Variants in NKAIN2 observed in about 807,000 individuals in gnomAD.
NKAIN2 encodes the protein sodium/potassium-transporting ATPase subunit beta-1-interacting protein 2.
A neutral mutation model predicts 32.6 loss-of-function variants in NKAIN2; 14 were observed. The observed-to-expected ratio is 0.43, with a 90% CI of 0.28 to 0.67. NKAIN2 has a LOEUF of 0.67. Among genes scored for constraint, NKAIN2 ranks in the 30% least tolerant of loss-of-function variants. NKAIN2 has a pLI of 0.17. For missense variants in NKAIN2, 198 were observed against 258.3 expected, an observed-to-expected ratio of 0.77 and a Z score of 1.60; for synonymous variants, 80 against 87.2, an observed-to-expected ratio of 0.92 and a Z score of 0.46.
chr6:123,906,537 C>T (rs1774882280), intron 1 of NKAIN2, among the ~76,000 whole-genome samples: 1 of 152,206 alleles, frequency 6.6e-6, no homozygotes, highest in African/African-American at 2.4e-5. Flanking sequence ...AAGCAATCTG[C>T]TTGCCTCAGC....
intron 3 of NKAIN2, among the ~76,000 whole-genome samples, chr6:124,359,090 C>G (rs1028846122): frequency 4.7e-4 from 72 of 152,150 alleles, no homozygotes; most frequent in African/African-American, 1.7e-3. Context: ...TGTAGATATG[C>G]AGCATTATTT....
At chr6:124,033,064 G>A (rs1438455389) in intron 1 of NKAIN2, among the ~76,000 whole-genome samples, 4 of 152,182 alleles carry the variant, frequency 2.6e-5, no homozygotes, top group South Asian at 4.1e-4. Flanking sequence ...AAAATGCTGA[G>A]CCAGAGGAAA....
intron 1 of NKAIN2, among the ~76,000 whole-genome samples, chr6:123,873,541 T>G (rs1019017388): frequency 6.6e-5 from 10 of 152,108 alleles, no homozygotes; most frequent in African/African-American, 2.4e-4. Context: ...TTCTCTGAAG[T>G]GTGTATGCAA....
At chr6:123,820,818 G>A (rs923466674) in intron 1 of NKAIN2, among the ~76,000 whole-genome samples, 2 of 152,182 alleles carry the variant, frequency 1.3e-5, no homozygotes, top group African/African-American at 2.4e-5. Flanking sequence ...TTTGTTTAAA[G>A]CCTATAGGAA....
intron 1 of NKAIN2, among the ~76,000 whole-genome samples, chr6:123,965,028 G>A (rs750887027): frequency 6.6e-6 from 1 of 151,898 alleles, no homozygotes; most frequent in African/African-American, 2.4e-5. Flanking sequence ...TTCTGCCATC[G>A]ATCTTCCTTT....
chr6:124,226,602 T>G (rs926615983), intron 1 of NKAIN2, among the ~76,000 whole-genome samples: 51 of 152,036 alleles, frequency 3.4e-4, no homozygotes, highest in African/African-American at 1.2e-3. Context: ...TTTCTCTTCC[T>G]CCCCCTCCTC....
rs1392017501 is a variant in NKAIN2, at chr6:124,687,741, T to TACACACACAC, written c.474+29356_474+29357insCACACACACA. Among the ~76,000 whole-genome samples, 283 of 29,988 alleles carry TACACACACAC rather than the reference T, an allele frequency of 9.4e-3. 5 individuals carry two copies. The highest frequency in any genetic ancestry group is 0.019 in the African/African-American group (259 of 13,926). The allele number at this position is 29,988 out of a possible 152,430, so 19.7% of individuals were successfully genotyped here. A position where few individuals can be genotyped will look rare whatever the true frequency, so the allele number is the denominator to read the frequency against. ...ATATATAATATAAATATATATGATA[T>TACACACACAC]ATACACACACACACACACACACACA... On this transcript the variant is annotated intron_variant, in intron 4 of 6. Transcript: ENST00000368417.
chr6:124,022,998 C>A (rs1288954109), intron 1 of NKAIN2, among the ~76,000 whole-genome samples: 1 of 151,372 alleles, frequency 6.6e-6, no homozygotes, highest in Admixed American at 6.6e-5. Flanking sequence ...CAGTTCTAAA[C>A]TTTTCGGTTA....
chr6:124,621,628 G>A (rs1252013145), intron 3 of NKAIN2, among the ~76,000 whole-genome samples: 1 of 152,188 alleles, frequency 6.6e-6, no homozygotes, highest in Non-Finnish European at 1.5e-5. Context: ...GAGCTGGGCT[G>A]AAGCTGTCAT....
intron 1 of NKAIN2, among the ~76,000 whole-genome samples, chr6:124,276,732 A>G (rs1401710139): frequency 1.3e-5 from 2 of 152,200 alleles, no homozygotes; most frequent in Admixed American, 1.3e-4. Context: ...AATATTATAA[A>G]GACCTAGAAT....
chr6:124,159,759 G>A (rs1359934447), intron 1 of NKAIN2, among the ~76,000 whole-genome samples: 2 of 152,188 alleles, frequency 1.3e-5, no homozygotes, highest in Non-Finnish European at 1.5e-5. Context: ...AAACCCAAGC[G>A]CAAGAGGCTA....
At chr6:124,580,694 T>A (rs910524259) in intron 3 of NKAIN2, among the ~76,000 whole-genome samples, 2 of 152,120 alleles carry the variant, frequency 1.3e-5, no homozygotes, top group African/African-American at 4.8e-5. Flanking sequence ...ACTAAACTCT[T>A]CAATCAAAAG....
rs146625615 is a variant in NKAIN2, at chr6:124,791,296, G to A, written c.475-43G>A. ...CCACTCTCCAGTGAGGTCTGGTGTT[G>A]GTGCCTTTTTCTGATGTCTAAAGCA... is the stretch of plus-strand genomic sequence containing the variant. On this transcript the variant is annotated intron_variant, in intron 4 of 6. Coordinates refer to ENST00000368417, the MANE Select transcript of NKAIN2 (RefSeq NM_001040214.3). The A allele has an allele frequency of 7.4e-4, 1,102 of 1,489,260 alleles. 4 individuals carry two copies. In the African/African-American group the frequency reaches 0.013, roughly 18 times the overall value. 92.3% of individuals were successfully genotyped at this position (1,489,260 alleles called of 1,614,324 possible).
chr6:124,744,544 C>T (rs569786329), intron 4 of NKAIN2, among the ~76,000 whole-genome samples: 46 of 151,508 alleles, frequency 3.0e-4, no homozygotes, highest in African/African-American at 8.9e-4. Context: ...AACTTGGAGG[C>T]GGGGTAGGGC....
At chr6:123,954,540 T>G (rs1777477142) in intron 1 of NKAIN2, among the ~76,000 whole-genome samples, 1 of 152,218 alleles carries the variant, frequency 6.6e-6, no homozygotes, top group Admixed American at 6.5e-5. Flanking sequence ...ATTCCAGTGT[T>G]TTCTCTTAGA....
At chr6:124,815,252 A>ATATATG (rs1554268853) in intron 5 of NKAIN2, among the ~76,000 whole-genome samples, 78 of 126,634 alleles carry the variant, frequency 6.2e-4, no homozygotes, top group African/African-American at 2.4e-3. Flanking sequence ...GTATATATGT[A>ATATATG]TATATATATG....
At chr6:124,358,509 C>T (rs1021930129) in intron 3 of NKAIN2, among the ~76,000 whole-genome samples, 1 of 152,152 alleles carries the variant, frequency 6.6e-6, no homozygotes, top group Non-Finnish European at 1.5e-5. Context: ...TTTTGATTTG[C>T]ATTTCTCTGA....
At chr6:124,431,161 A>G (rs879862696) in intron 3 of NKAIN2, among the ~76,000 whole-genome samples, 76 of 152,206 alleles carry the variant, frequency 5.0e-4, no homozygotes, top group Non-Finnish European at 5.4e-4. Context: ...TGTAACAGGC[A>G]AAGGTTGCTT....
intron 3 of NKAIN2, among the ~76,000 whole-genome samples, chr6:124,422,918 A>C (rs1473278876): frequency 6.6e-6 from 1 of 152,220 alleles, no homozygotes; most frequent in African/African-American, 2.4e-5. Flanking sequence ...GGTTGAGTAA[A>C]TCTCCAAACC....
Sources: allele counts gnomAD v4.1 joint callset (sites outside exome capture counted in the v4.1 genomes callset), GRCh38; gene constraint gnomAD v4.1.1; transcripts MANE v1.5; gene names NCBI Gene and HGNC (gene_info 2026-07-23, HGNC 2026-07-21).